The following NDUFA10 variants were observed in gnomAD, a reference collection of about 807,000 sequenced individuals.
NDUFA10 encodes the protein NADH dehydrogenase [ubiquinone] 1 alpha subcomplex subunit 10, mitochondrial.
NDUFA10 carries 40 observed loss-of-function variants against 47.8 expected under a neutral mutation model. That is an observed-to-expected ratio of 0.84 (90% confidence interval 0.65 to 1.09). The LOEUF is 1.09. NDUFA10 is among the 50% of genes least tolerant of loss of function. The probability of loss-of-function intolerance (pLI) is 0.00; values close to 1 mark genes in which losing one functional copy is unlikely to be tolerated. For missense variants in NDUFA10, 413 were observed against 451.1 expected, an observed-to-expected ratio of 0.92 and a Z score of 0.76; for synonymous variants, 183 against 172.2, an observed-to-expected ratio of 1.06 and a Z score of -0.49.
chr2:239,938,698 C>T (rs1003201228), intron 4 of NDUFA10, among the ~76,000 whole-genome samples: 16 of 152,268 alleles, frequency 1.1e-4, no homozygotes, highest in Non-Finnish European at 1.5e-4. Flanking sequence ...GCGCAGATGC[C>T]GGCAGAGGGG....
intron 4 of NDUFA10, chr2:240,017,757 G>A (rs574038956): frequency 1.7e-5 from 24 of 1,410,448 alleles, no homozygotes; most frequent in East Asian, 1.2e-4. Context: ...GTGGAGTACC[G>A]GCAACACCAG....
chr2:239,956,478 C>T (rs1012073332), downstream of NDUFA10, among the ~76,000 whole-genome samples: 1 of 152,196 alleles, frequency 6.6e-6, no homozygotes, highest in East Asian at 1.9e-4. Flanking sequence ...CTTTCAGGTT[C>T]CCAGATTTGG....
At chr2:239,997,068 T>C (rs1231013319) in intron 8 of NDUFA10, among the ~76,000 whole-genome samples, 1 of 152,128 alleles carries the variant, frequency 6.6e-6, no homozygotes, top group Non-Finnish European at 1.5e-5. Flanking sequence ...TGCTGTGTTA[T>C]TTTTATTGGC....
chr2:239,943,562 T>G (rs1434516300), intron 4 of NDUFA10, among the ~76,000 whole-genome samples: 1 of 152,216 alleles, frequency 6.6e-6, no homozygotes, highest in African/African-American at 2.4e-5. Flanking sequence ...ATTTTTCTAG[T>G]TTTTCCTTTC....
At chr2:240,022,473 T>A in intron 1 of NDUFA10, 133 bp from the exon 2 acceptor site, 1 of 1,314,312 alleles carries the variant, frequency 7.6e-7, no homozygotes, top group Non-Finnish European at 1.1e-6. Flanking sequence ...TTATTGCCTA[T>A]TAATTTGTTT....
At chr2:239,992,924 T>C (rs1004437577) in intron 8 of NDUFA10, among the ~76,000 whole-genome samples, 1 of 152,208 alleles carries the variant, frequency 6.6e-6, no homozygotes, top group African/African-American at 2.4e-5. Context: ...TTTACAATAA[T>C]TATGTTAGAA....
rs148656779 is a variant in NDUFA10, at chr2:240,014,778, G to A, written c.630C>T (p.Pro210=). The part of the protein sequence containing the change: ...PPHLVIYIDV[P]VPEVQRRIQK... ...GAATCCGCCTCTGGACCTCTGGAAC[G>A]GGCACATCGATGTAAATCACCAGGT... is the stretch of plus-strand genomic sequence containing the variant. Residue 210 remains proline (P), a synonymous_variant, in exon 5 of 10, where the codon CCC becomes CCT. Coordinates refer to ENST00000252711, the MANE Select transcript of NDUFA10 (RefSeq NM_004544.4). 2.8e-5 allele frequency: 45 copies of A among 1,614,182 alleles called. No individual in the cohort carries two copies. In the African/African-American group the frequency reaches 2.9e-4, roughly 11 times the overall value.
At chr2:240,024,527 A>G (rs1697774657) in intron 1 of NDUFA10, among the ~76,000 whole-genome samples, 1 of 152,258 alleles carries the variant, frequency 6.6e-6, no homozygotes, top group Admixed American at 6.5e-5. Context: ...GTACGAACCT[A>G]TAATGGTGGA....
intron 4 of NDUFA10, among the ~76,000 whole-genome samples, chr2:239,925,453 C>A (rs1392191468): frequency 1.3e-5 from 2 of 152,156 alleles, no homozygotes; most frequent in African/African-American, 4.8e-5. Flanking sequence ...ATAAATGGTG[C>A]TGAAGTGAGT....
In NDUFA10 at chr2:239,916,341, AACAC is replaced by A. The variant is rs370724891; in HGVS notation, c.295-21031_295-21028del. ...TACACAAACATACACACATGCACAGAACACACACAGACACACATACACAGACATG... is the reference window on the plus strand; with the variant it reads ...TACACAAACATACACACATGCACAGAACACAGACACACATACACAGACATG... On this transcript the variant is annotated intron_variant, in intron 4 of 5. Coordinates refer to the NDUFA10 transcript ENST00000419408. Among the ~76,000 whole-genome samples, 476 of 150,982 alleles carry A rather than the reference AACAC, an allele frequency of 3.2e-3. 2 individuals carry two copies. The highest frequency in any genetic ancestry group is 4.8e-3 in the Non-Finnish European group (321 of 67,364).
chr2:239,892,804 G>A (rs906855128), intron 5 of NDUFA10: 2 of 152,286 alleles, frequency 1.3e-5, no homozygotes, highest in South Asian at 4.1e-4. Context: ...TGGAGACCAT[G>A]GTTCTGGCAG....
At chr2:240,023,919 A>G (rs899822011) in intron 1 of NDUFA10, among the ~76,000 whole-genome samples, 2 of 152,266 alleles carry the variant, frequency 1.3e-5, no homozygotes, top group Non-Finnish European at 2.9e-5. Flanking sequence ...GAGATATTCC[A>G]AAGTTGAAAC....
In NDUFA10 at chr2:239,987,368, C is replaced by G. The variant is rs1574851882; in HGVS notation, c.999+2706G>C. On this transcript the variant is annotated intron_variant, in intron 9 of 9. Coordinates refer to ENST00000252711, the MANE Select transcript of NDUFA10 (RefSeq NM_004544.4). This position sits in a 1 kb window ranked among gnomAD's most constrained non-coding sequence, Gnocchi z 4.8. ...CGAATGCGTGTCTGGGCCCCATCCC[C>G]TGCGTGTCTAGTCCAGGAGGCCTGG... Among the ~76,000 whole-genome samples, 1 of 151,978 alleles carries G rather than the reference C, an allele frequency of 6.6e-6. No individual in the cohort carries two copies. Among genetic ancestry groups the G allele is most frequent in the African/African-American group, 2.4e-5 (1 of 41,368 alleles).
intron 4 of NDUFA10, among the ~76,000 whole-genome samples, chr2:239,895,498 CA>C (rs1693375194): frequency 6.6e-6 from 1 of 152,202 alleles, no homozygotes; most frequent in Non-Finnish European, 1.5e-5. Context: ...GTTCACAAAA[CA>C]GGGAAAACTG....
Position 239,924,859 on chromosome 2 carries a change from G to A in NDUFA10, c.295-29545C>T, listed in dbSNP as rs149480929. Among the ~76,000 whole-genome samples, 908 of 152,144 alleles carry A rather than the reference G, an allele frequency of 6.0e-3. 5 individuals carry two copies. The highest frequency in any genetic ancestry group is 9.8e-3 in the Non-Finnish European group (669 of 67,946). On this transcript the variant is annotated intron_variant, in intron 4 of 5. Coordinates refer to the NDUFA10 transcript ENST00000419408. ...TTAGAACTAATGCGTGTTCATCAAG[G>A]CTGCAGGATACAAGAACAACACACG...
In NDUFA10 at chr2:239,961,056, G is replaced by A. The variant is rs1694832778; in HGVS notation, c.*62C>T. ...GATCTTAAAGCTATATGGCGTCCAG[G>A]AGAGTGCGGCTGATGCAGCTTGGCC... On this transcript the variant is annotated 3_prime_UTR_variant, in exon 10 of 10. Coordinates refer to ENST00000252711, the MANE Select transcript of NDUFA10 (RefSeq NM_004544.4). The A allele has an allele frequency of 6.2e-7, 1 of 1,611,932 alleles. No homozygotes were observed. The highest frequency in any genetic ancestry group is 1.3e-5 in the African/African-American group (1 of 74,862).
At chr2:239,951,683 G>A (rs929322123) in intron 4 of NDUFA10, among the ~76,000 whole-genome samples, 19 of 152,216 alleles carry the variant, frequency 1.2e-4, no homozygotes, top group Non-Finnish European at 7.3e-5. Flanking sequence ...GACTCTAATG[G>A]CAAGTAAAAG....
chr2:239,947,383 T>G (rs555975287), intron 4 of NDUFA10, among the ~76,000 whole-genome samples: 1 of 152,328 alleles, frequency 6.6e-6, no homozygotes, highest in South Asian at 2.1e-4. Flanking sequence ...GTGACTGTCC[T>G]GTGTGCCTGC....
intron 9 of NDUFA10, among the ~76,000 whole-genome samples, chr2:239,988,450 T>C (rs1696095416): frequency 6.6e-6 from 1 of 151,868 alleles, no homozygotes; most frequent in African/African-American, 2.4e-5. Flanking sequence ...TTAACACACC[T>C]CCTACAGGAA....
Sources: allele counts gnomAD v4.1 joint callset (sites outside exome capture counted in the v4.1 genomes callset), GRCh38; gene constraint gnomAD v4.1.1; non-coding constraint Gnocchi (gnomAD v3.1); transcripts MANE v1.5; gene names NCBI Gene and HGNC (gene_info 2026-07-23, HGNC 2026-07-21).